Variants in TTC28 observed in about 807,000 individuals in gnomAD.
TTC28 encodes tetratricopeptide repeat domain 28.
TTC28 carries 61 observed loss-of-function variants against 198.0 expected under a neutral mutation model. The observed-to-expected ratio is 0.31, with a 90% CI of 0.25 to 0.38. The LOEUF (loss-of-function observed/expected upper bound fraction) is 0.38. Ranked by LOEUF, TTC28 falls within the 10% of genes least tolerant of loss-of-function variation. The probability of loss-of-function intolerance (pLI) is 1.00; values close to 1 mark genes in which losing one functional copy is unlikely to be tolerated. For synonymous variants in TTC28, 1,171 were observed against 1,297.8 expected (o/e 0.90, Z 2.10); for missense variants, 2,678 against 3,164.0 (o/e 0.85, Z 3.69).
intron 12 of TTC28, among the ~76,000 whole-genome samples, chr22:28,063,575 G>A (rs1444602230): frequency 1.3e-5 from 2 of 152,078 alleles, no homozygotes; most frequent in African/African-American, 4.8e-5. Context: ...TTTATGGGAA[G>A]GTTATCCTAG....
intron 2 of TTC28, among the ~76,000 whole-genome samples, chr22:28,511,620 C>A (rs2048689812): frequency 6.6e-6 from 1 of 152,108 alleles, no homozygotes; most frequent in Admixed American, 6.5e-5. Flanking sequence ...GAGTTCAAGA[C>A]CAGCCTGGCA....
At chr22:28,044,259 T>C (rs574032953) in intron 12 of TTC28, among the ~76,000 whole-genome samples, 13 of 152,348 alleles carry the variant, frequency 8.5e-5, no homozygotes, top group African/African-American at 3.1e-4. Flanking sequence ...ATTTATACTA[T>C]TATCTAACAG....
intron 2 of TTC28, among the ~76,000 whole-genome samples, chr22:28,530,238 A>G (rs1457325824): frequency 2.6e-5 from 4 of 152,210 alleles, no homozygotes; most frequent in Admixed American, 1.3e-4. Flanking sequence ...GCTGAAAACC[A>G]TGGCATGAGA....
intron 2 of TTC28, among the ~76,000 whole-genome samples, chr22:28,620,544 C>G (rs1405460248): frequency 2.0e-5 from 3 of 152,116 alleles, no homozygotes; most frequent in African/African-American, 7.2e-5. Context: ...GATAGAGATC[C>G]TAACACAGTT....
intron 2 of TTC28, among the ~76,000 whole-genome samples, chr22:28,627,847 G>A (rs938922704): frequency 1.3e-5 from 2 of 152,104 alleles, no homozygotes; most frequent in South Asian, 4.1e-4. Flanking sequence ...AGCAATACTA[G>A]AAATTCCATT....
At chr22:28,167,759 A>G (rs1569175246) in intron 5 of TTC28, among the ~76,000 whole-genome samples, 4 of 152,330 alleles carry the variant, frequency 2.6e-5, no homozygotes, top group Middle Eastern at 3.4e-3. Context: ...GAAAACTGGC[A>G]CAAGACAGGG....
intron 2 of TTC28, among the ~76,000 whole-genome samples, chr22:28,592,942 A>G (rs1472126607): frequency 6.6e-6 from 1 of 152,176 alleles, no homozygotes; most frequent in Non-Finnish European, 1.5e-5. Flanking sequence ...GGTCTCCTCT[A>G]TATTTCCCAG....
chr22:28,661,630 A>T, intron 1 of TTC28, among the ~76,000 whole-genome samples: 1 of 151,162 alleles, frequency 6.6e-6, no homozygotes, highest in Admixed American at 6.6e-5. Context: ...TTTTTTTGAG[A>T]CAGAGTCTCA....
chr22:28,511,416 C>G (rs2048687053), intron 2 of TTC28, among the ~76,000 whole-genome samples: 1 of 152,118 alleles, frequency 6.6e-6, no homozygotes, highest in Non-Finnish European at 1.5e-5. Context: ...GAAAGGATTC[C>G]CTATTTAATA....
chr22:28,595,603 T>C (rs1342621873), intron 2 of TTC28, among the ~76,000 whole-genome samples: 2 of 152,212 alleles, frequency 1.3e-5, no homozygotes, highest in African/African-American at 4.8e-5. Flanking sequence ...CAGTCATTTG[T>C]TGAACAAACG....
intron 2 of TTC28, among the ~76,000 whole-genome samples, chr22:28,412,379 G>A (rs969271435): frequency 6.6e-6 from 1 of 152,172 alleles, no homozygotes; most frequent in South Asian, 2.1e-4. Flanking sequence ...GAGGGCAGAA[G>A]TGGGAGAAGA....
rs61609043 is a variant in TTC28, at chr22:28,280,263, G to A, written c.933+15935C>T. On this transcript the variant is annotated intron_variant, in intron 5 of 22. Coordinates refer to ENST00000397906, the MANE Select transcript of TTC28 (RefSeq NM_001145418.2). ...TATGCTGTAAATCCTACAATTCAAC[G>A]CTATACTTTTTGCTTTAATTAGCCA... Among the ~76,000 whole-genome samples the A allele has an allele frequency of 8.0e-3, 1,217 of 151,568 alleles. 22 individuals are homozygous for A. Among genetic ancestry groups the A allele is most frequent in the African/African-American group, 0.027 (1,122 of 41,262 alleles).
chr22:28,417,343 T>G (rs1201961255), intron 2 of TTC28, among the ~76,000 whole-genome samples: 1 of 145,026 alleles, frequency 6.9e-6, no homozygotes, highest in Non-Finnish European at 1.5e-5. Context: ...GGTGTGATGA[T>G]GCACACTTGC....
At position 27,998,445 on chromosome 22, in the gene TTC28, T is replaced by A. The variant is rs1379104771; in HGVS notation, c.5119+95A>T. The A allele has an allele frequency of 8.7e-5, 126 of 1,442,852 alleles. No homozygotes were observed. In the East Asian group the frequency reaches 2.6e-3, roughly 30 times the overall value. 89.4% of individuals were successfully genotyped at this position (1,442,852 alleles called of 1,614,324 possible). A position where few individuals can be genotyped will look rare whatever the true frequency, so the allele number is the denominator to read the frequency against. The stretch of plus-strand genomic sequence containing the variant: ...TTCTGTGGCTGGCCTTGCCCTGCCC[T>A]CCCCTCCCCAACCCCACTGGCAGAA... On this transcript the variant is annotated intron_variant, in intron 16 of 22. Coordinates refer to ENST00000397906, the MANE Select transcript of TTC28 (RefSeq NM_001145418.2).
chr22:28,121,679 G>A (rs1452850335), intron 6 of TTC28, among the ~76,000 whole-genome samples: 1 of 152,148 alleles, frequency 6.6e-6, no homozygotes, highest in Non-Finnish European at 1.5e-5. Context: ...AGCAAAGGCT[G>A]GTGCACCCAA....
At chr22:28,149,872 T>C (rs567223087) in intron 6 of TTC28, among the ~76,000 whole-genome samples, 100 of 152,298 alleles carry the variant, frequency 6.6e-4, no homozygotes, top group African/African-American at 2.4e-3. Flanking sequence ...ATTTCAAAAT[T>C]GCTAAAAGGG....
intron 12 of TTC28, among the ~76,000 whole-genome samples, chr22:28,092,266 C>T (rs1214272895): frequency 1.3e-5 from 2 of 152,160 alleles, no homozygotes; most frequent in African/African-American, 4.8e-5. Context: ...GGTTTTCAAA[C>T]TTAGAAGGCC....
chr22:28,011,693 C>A (rs908160356), intron 14 of TTC28, among the ~76,000 whole-genome samples: 2 of 152,058 alleles, frequency 1.3e-5, no homozygotes, highest in African/African-American at 4.8e-5. Flanking sequence ...TAAAAAACAT[C>A]CAGGTATGCA....
At chr22:28,581,107 C>A (rs1249153305) in intron 2 of TTC28, among the ~76,000 whole-genome samples, 1 of 152,110 alleles carries the variant, frequency 6.6e-6, no homozygotes, top group Non-Finnish European at 1.5e-5. Context: ...GGTCCTCATG[C>A]GAGGTAACTG....
Sources: gnomAD v4.1 joint callset for allele counts (sites outside exome capture counted in the v4.1 genomes callset) on GRCh38, gnomAD v4.1.1 for gene constraint, MANE v1.5 for transcripts, NCBI Gene and HGNC (gene_info 2026-07-23, HGNC 2026-07-21) for gene names.